Variants in RBFOX1 observed in about 807,000 individuals in gnomAD.
RBFOX1 encodes RNA binding protein fox-1 homolog 1.
In RBFOX1, 8 loss-of-function variants were observed where a neutral mutation model predicts 57.7. The observed-to-expected ratio is 0.14, with a 90% CI of 0.08 to 0.25. RBFOX1 has a LOEUF of 0.25. RBFOX1 is among the 10% of genes least tolerant of loss of function. The probability of loss-of-function intolerance (pLI) is 1.00; values close to 1 mark genes in which losing one functional copy is unlikely to be tolerated. For missense variants in RBFOX1, 611 were observed against 548.5 expected (o/e 1.11, Z -1.14); for synonymous variants, 326 against 222.4 (o/e 1.47, Z -4.15).
At chr16:7,235,440 G>C (rs563606175) in intron 4 of RBFOX1, among the ~76,000 whole-genome samples, 4 of 152,198 alleles carry the variant, frequency 2.6e-5, no homozygotes, top group Non-Finnish European at 1.5e-5. Context: ...TCACAAACCA[G>C]TTTAGATGAG....
At chr16:7,053,670 G>C (rs1006323823) in intron 4 of RBFOX1, among the ~76,000 whole-genome samples, 1 of 152,144 alleles carries the variant, frequency 6.6e-6, no homozygotes, top group Non-Finnish European at 1.5e-5. Flanking sequence ...CCATTTATGA[G>C]TCCATTGTCG....
intron 1 of RBFOX1, among the ~76,000 whole-genome samples, chr16:6,052,304 C>T (rs1040924096): frequency 9.2e-5 from 14 of 152,132 alleles, no homozygotes; most frequent in African/African-American, 3.4e-4. Flanking sequence ...CCTCTTCCCC[C>T]ATTTTGCCCA....
rs183597278 is a variant in RBFOX1, at chr16:7,094,928, A to G, written c.27+42830A>G. On this transcript the variant is annotated intron_variant, in intron 4 of 15. Transcript: ENST00000550418. ...TTGCCCCGTCTCTTAATACCTGTAG[A>G]ACAAATATTGTATCTGTAAACATCT... 1.4e-3 allele frequency among the ~76,000 whole-genome samples: 214 copies of G among 152,224 alleles called. 2 individuals carry two copies. The highest frequency in any genetic ancestry group is 4.9e-3 in the African/African-American group (205 of 41,536).
intron 1 of RBFOX1, among the ~76,000 whole-genome samples, chr16:6,145,334 A>C (rs1418950337): frequency 1.3e-5 from 2 of 149,110 alleles, no homozygotes; most frequent in Non-Finnish European, 3.0e-5. Context: ...AAGGCCTCCA[A>C]CTCCATCCAT....
chr16:6,981,778 G>A (rs142960277), intron 3 of RBFOX1, among the ~76,000 whole-genome samples: 62 of 152,218 alleles, frequency 4.1e-4, no homozygotes, highest in Middle Eastern at 3.4e-3. Context: ...GTTCCCCCAG[G>A]ACATGTGGGA....
chr16:6,830,174 C>A lies in RBFOX1; in HGVS notation c.-16+175524C>A, dbSNP rs144308189. Among the ~76,000 whole-genome samples the A allele has an allele frequency of 5.4e-3, 825 of 152,242 alleles. 11 individuals carry two copies. The highest frequency in any genetic ancestry group is 0.019 in the African/African-American group (771 of 41,544). On this transcript the variant is annotated intron_variant, in intron 3 of 15. Coordinates refer to ENST00000550418, the MANE Select transcript of RBFOX1 (RefSeq NM_018723.4). ...TCAGGTGATCTGCCCACCTAAGCCT[C>A]CCAAAGTGCTGGGATTACAGGTGTG... is the stretch of plus-strand genomic sequence containing the variant.
intron 1 of RBFOX1, among the ~76,000 whole-genome samples, chr16:6,088,594 C>A (rs2096123781): frequency 1.3e-5 from 2 of 151,388 alleles, no homozygotes; most frequent in African/African-American, 4.9e-5. Context: ...ATGTTGCATG[C>A]CAAAGACAAA....
At chr16:5,815,097 A>C (rs1360127777) in intron 3 of RBFOX1, among the ~76,000 whole-genome samples, 4 of 151,402 alleles carry the variant, frequency 2.6e-5, no homozygotes, top group Admixed American at 6.6e-5. Context: ...ATCCTACCTC[A>C]GCCTCCTGAG....
At chr16:6,450,818 CATATATATATATATATATGTGTATATAT>C (rs2094591404) in intron 2 of RBFOX1, among the ~76,000 whole-genome samples, 2 of 17,716 alleles carry the variant, frequency 1.1e-4, no homozygotes, top group African/African-American at 4.1e-4. Context: ...TATATATATA[CATATATATATATATATATGTGTATATAT>C]ATATATATAT....
chr16:5,275,083 A>G (rs1437451254), intron 1 of RBFOX1, among the ~76,000 whole-genome samples: 2 of 152,206 alleles, frequency 1.3e-5, no homozygotes, highest in East Asian at 1.9e-4. Flanking sequence ...GGCTGCCACA[A>G]TCCGCCTGTC....
intron 1 of RBFOX1, among the ~76,000 whole-genome samples, chr16:5,389,968 G>C (rs898848562): frequency 1.2e-4 from 18 of 151,976 alleles, no homozygotes; most frequent in Non-Finnish European, 2.2e-4. Context: ...CAAAGTGCTG[G>C]GATTACAGGC....
chr16:6,847,779 A>T (rs1283063530), intron 3 of RBFOX1, among the ~76,000 whole-genome samples: 1 of 152,120 alleles, frequency 6.6e-6, no homozygotes, highest in Non-Finnish European at 1.5e-5. Context: ...GTGGCTTAGA[A>T]ATTAAATAAA....
intron 4 of RBFOX1, among the ~76,000 whole-genome samples, chr16:7,136,778 T>C (rs17669791): frequency 4.6e-5 from 7 of 152,024 alleles, no homozygotes; most frequent in African/African-American, 1.7e-4. Context: ...TGGATAGTGG[T>C]TAGTATTAAC....
intron 5 of RBFOX1, among the ~76,000 whole-genome samples, chr16:7,547,858 G>A (rs2085046128): frequency 6.6e-6 from 1 of 152,172 alleles, no homozygotes. Context: ...AACAGCAGAA[G>A]AGTAATCTAT....
intron 4 of RBFOX1, among the ~76,000 whole-genome samples, chr16:7,511,981 G>C (rs2075216787): frequency 6.6e-6 from 1 of 152,198 alleles, no homozygotes; most frequent in Non-Finnish European, 1.5e-5. Context: ...AGCTCCTGAA[G>C]CATTTGCTTG....
In RBFOX1 at chr16:5,557,121, G is replaced by A. The variant is rs570399852; in HGVS notation, c.259-41781G>A. On this transcript the variant is annotated intron_variant, in intron 2 of 2. Transcript: ENST00000585867. ...AAGAATACAAAAAAATTAGCTGGGC[G>A]TGGTGGCAGGCACCTGTAGTCCCAG... Among the ~76,000 whole-genome samples, 11 of 152,012 alleles carry A rather than the reference G, an allele frequency of 7.2e-5. No individual in the cohort carries two copies. In the East Asian group the frequency reaches 1.2e-3, roughly 16 times the overall value.
intron 3 of RBFOX1, among the ~76,000 whole-genome samples, chr16:6,801,468 A>G (rs1006002787): frequency 1.3e-5 from 2 of 152,196 alleles, no homozygotes; most frequent in African/African-American, 4.8e-5. Context: ...TAGCAAATAT[A>G]AAGATTATTG....
chr16:7,369,887 C>T (rs1402839021), intron 4 of RBFOX1, among the ~76,000 whole-genome samples: 1 of 152,210 alleles, frequency 6.6e-6, no homozygotes, highest in Non-Finnish European at 1.5e-5. Context: ...AACAGCAAGG[C>T]TTATCCCCAC....
intron 4 of RBFOX1, among the ~76,000 whole-genome samples, chr16:7,289,739 G>A (rs569583016): frequency 3.3e-4 from 50 of 152,230 alleles, no homozygotes; most frequent in African/African-American, 1.2e-3. Flanking sequence ...GTTGCACCAA[G>A]AAATTTAGTG....
Sources: gnomAD v4.1 joint callset for allele counts (sites outside exome capture counted in the v4.1 genomes callset) on GRCh38, gnomAD v4.1.1 for gene constraint, MANE v1.5 for transcripts, NCBI Gene and HGNC (gene_info 2026-07-23, HGNC 2026-07-21) for gene names.